The following KIAA0586 variants were observed in gnomAD, a reference collection of about 807,000 sequenced individuals.
The protein encoded by KIAA0586 is KIAA0586, also known as protein TALPID3.
In KIAA0586, 144 loss-of-function variants were observed where a neutral mutation model predicts 169.8. The ratio of observed to expected loss-of-function variants is 0.85; its 90% CI spans 0.74 to 0.97. The LOEUF (loss-of-function observed/expected upper bound fraction) is 0.97. Ranked by LOEUF, KIAA0586 falls within the 50% of genes least tolerant of loss-of-function variation. KIAA0586 has a pLI of 0.00. For missense variants in KIAA0586, 1,854 were observed against 1,823.0 expected (o/e 1.02, Z -0.31); for synonymous variants, 625 against 612.4 (o/e 1.02, Z -0.30).
chr14:58,464,307 A>G (rs1388572234), intron 14 of KIAA0586, among the ~76,000 whole-genome samples: 2 of 57,516 alleles, frequency 3.5e-5, no homozygotes, highest in Non-Finnish European at 6.8e-5. Flanking sequence ...CATACTATAT[A>G]GTTAGTTTAT....
At chr14:58,442,510 G>A (rs1267829077) in intron 4 of KIAA0586, among the ~76,000 whole-genome samples, 196 bp from the exon 5 acceptor site, 6 of 151,910 alleles carry the variant, frequency 3.9e-5, no homozygotes, top group African/African-American at 1.2e-4. Context: ...CTACCTTCAA[G>A]GAATTATCTT....
chr14:58,459,917 T>C lies in KIAA0586; in HGVS notation c.1731T>C (p.Asn577=), dbSNP rs1408787854. Residue 577 remains asparagine (N), a synonymous_variant, in exon 13 of 31, where the codon AAT becomes AAC. Transcript: ENST00000652326. Reference sequence around the variant, plus strand: ...ATCAGAGAACCAAGAAAGGTCAGAATATGACTAAAGATATTAGAACCAACA... The same window carrying C: ...ATCAGAGAACCAAGAAAGGTCAGAACATGACTAAAGATATTAGAACCAACA... ...QKNQRTKKGQ[N]MTKDIRTNTQ... 3 of 1,533,814 alleles carry C rather than the reference T, an allele frequency of 2.0e-6. No individual in the cohort carries two copies. In the East Asian group the frequency reaches 7.4e-5, roughly 38 times the overall value.
intron 29 of KIAA0586, among the ~76,000 whole-genome samples, chr14:58,525,119 T>A (rs1658210881): frequency 6.6e-6 from 1 of 152,192 alleles, no homozygotes; most frequent in African/African-American, 2.4e-5. Flanking sequence ...ATATTTGTCC[T>A]AAGCTTTAAA....
intron 27 of KIAA0586, among the ~76,000 whole-genome samples, chr14:58,500,802 AAG>A (rs1417366652): frequency 6.6e-6 from 1 of 152,140 alleles, no homozygotes; most frequent in African/African-American, 2.4e-5. Context: ...CACCAAAAAA[AAG>A]GGGATGAAAT....
At chr14:58,531,386 C>T (rs1200867580) in intron 29 of KIAA0586, among the ~76,000 whole-genome samples, 1 of 150,702 alleles carries the variant, frequency 6.6e-6, no homozygotes, top group East Asian at 1.9e-4. Context: ...AGGATATCAA[C>T]AGACACTTCT....
At chr14:58,431,261 T>C (rs1475195961) in intron 3 of KIAA0586, among the ~76,000 whole-genome samples, 2 of 152,164 alleles carry the variant, frequency 1.3e-5, no homozygotes, top group African/African-American at 4.8e-5. Context: ...GTATTAGATA[T>C]GTTTATAAAT....
intron 30 of KIAA0586, among the ~76,000 whole-genome samples, chr14:58,543,072 C>A (rs1277668541): frequency 6.9e-6 from 1 of 145,690 alleles, no homozygotes; most frequent in Non-Finnish European, 1.5e-5. Flanking sequence ...ATGGAGCTTG[C>A]AGTGAGCCAA....
intron 9 of KIAA0586, among the ~76,000 whole-genome samples, chr14:58,455,547 C>G (rs559566245): frequency 1.3e-5 from 2 of 152,274 alleles, no homozygotes; most frequent in South Asian, 4.1e-4. Context: ...TCTGTGAAGT[C>G]TGTATTCTTT....
chr14:58,465,120 A>G (rs955387449), intron 14 of KIAA0586, among the ~76,000 whole-genome samples: 2 of 152,112 alleles, frequency 1.3e-5, no homozygotes, highest in Non-Finnish European at 2.9e-5. Flanking sequence ...TATTTCTCAA[A>G]CTTTCCATTA....
At chr14:58,512,089 A>G (rs1459594867) in intron 28 of KIAA0586, among the ~76,000 whole-genome samples, 1 of 152,200 alleles carries the variant, frequency 6.6e-6, no homozygotes, top group East Asian at 1.9e-4. Flanking sequence ...ATGTTACTAT[A>G]TATAAAAGCT....
At position 58,508,702 on chromosome 14, in the gene KIAA0586, T is replaced by C. The variant is rs2141431422; in HGVS notation, c.4316T>C (p.Phe1439Ser). 4 of 1,583,352 alleles carry C rather than the reference T, an allele frequency of 2.5e-6. No homozygotes were observed. The South Asian group carries it at 4.6e-5, about 18-fold the overall frequency. ...AATTTACCAGTAGCCGCTGAAGATT[T>C]TTCCCAGGTACCAAATTAATAGCAC... ...DVNLPVAAEDFSQYQLKQNQD... is the reference protein window; with the variant it reads ...DVNLPVAAEDSSQYQLKQNQD... Residue 1439 changes from phenylalanine to serine, a missense_variant, in exon 28 of 31, where the codon TTT (phenylalanine) becomes TCT (serine). Physicochemically the swap from Phe to Ser is radical, Grantham distance 155 (BLOSUM62 -2). Coordinates refer to ENST00000652326, the MANE Select transcript of KIAA0586 (RefSeq NM_001329943.3).
rs202025419 is a variant in KIAA0586, at chr14:58,461,091, T to C, written c.1990T>C (p.Tyr664His). ...TCGAAGCACTCTTAAAAAAGGACCA[T>C]ATCTCAGATTTAATTCTCCATCTCC... ...GHRSTLKKGP[Y>H]LRFNSPSPKS... The change falls in exon 14 of 31, where the codon TAT becomes CAT. Residue 664 changes from tyrosine (Y) to histidine (H), a missense_variant. Transcript: ENST00000652326. The C allele has an allele frequency of 6.2e-7, 1 of 1,611,944 alleles. No homozygotes were observed. The highest frequency in any genetic ancestry group is 1.3e-5 in the African/African-American group (1 of 74,974).
intron 6 of KIAA0586, among the ~76,000 whole-genome samples, chr14:58,445,648 A>G: frequency 6.6e-6 from 1 of 151,418 alleles, no homozygotes; most frequent in Non-Finnish European, 1.5e-5. Context: ...TGGCCAGACC[A>G]GTCTCGAACT....
intron 4 of KIAA0586, chr14:58,439,879 G>C (rs1419524202): frequency 1.0e-5 from 10 of 959,596 alleles, no homozygotes; most frequent in Non-Finnish European, 1.2e-5. Context: ...GACTCTCTTA[G>C]GGACTCTTCA....
At chr14:58,428,785 C>T (rs187722866) in intron 1 of KIAA0586, among the ~76,000 whole-genome samples, 3 of 151,106 alleles carry the variant, frequency 2.0e-5, no homozygotes, top group East Asian at 2.0e-4. Context: ...TATAGTTTTC[C>T]CCCAAAGTAG....
rs539304161 is a variant in KIAA0586 at position 58,488,692 on chromosome 14, C to T, written c.3599C>T (p.Pro1200Leu). ...DFPAQPPPPE[P>L]VPFMPFPAGT... ...CCTGCTCAGCCTCCACCTCCAGAGC[C>T]AGTTCCCTTTATGCCATTTCCTGCC... is the stretch of plus-strand genomic sequence containing the variant. The change falls in exon 24 of 31, where the codon CCA becomes CTA. Residue 1200 changes from proline to leucine, a missense_variant. Physicochemically the swap from Pro to Leu is moderately conservative, Grantham distance 98. Transcript: ENST00000652326. 5.6e-6 allele frequency: 9 copies of T among 1,613,876 alleles called. No individual in the cohort carries two copies. Among genetic ancestry groups the T allele is most frequent in the Middle Eastern group, 3.3e-4 (2 of 6,062 alleles).
At chr14:58,554,982 T>G (rs1402343045), downstream of KIAA0586, among the ~76,000 whole-genome samples, 1 of 152,118 alleles carries the variant, frequency 6.6e-6, no homozygotes, top group Admixed American at 6.6e-5. Context: ...TATAGGACTG[T>G]TATGGTGAAA....
chr14:58,529,839 A>G (rs1006051381), intron 29 of KIAA0586, among the ~76,000 whole-genome samples: 13 of 152,132 alleles, frequency 8.5e-5, no homozygotes, highest in Non-Finnish European at 1.6e-4. Context: ...TCAACACACT[A>G]CTGGAAGTTC....
chr14:58,428,294 G>GA lies in KIAA0586; in HGVS notation c.38dup (p.Ile14AspfsTer2), dbSNP rs745949846. 2.2e-5 allele frequency: 36 copies of GA among 1,613,234 alleles called. No homozygotes were observed. The highest frequency in any genetic ancestry group is 3.1e-5 in the Non-Finnish European group (36 of 1,179,656). On this transcript the variant is annotated frameshift_variant, in exon 1 of 31. Transcript: ENST00000652326. LOFTEE classifies it high-confidence loss of function. ...AAGGCTCTGAGGTCAGCTTGGAGAA[G>GA]AAAAAAAAGATTAAGATGCCAGTGA...
Sources: allele counts gnomAD v4.1 joint callset (sites outside exome capture counted in the v4.1 genomes callset), GRCh38; gene constraint gnomAD v4.1.1; transcripts MANE v1.5; gene names NCBI Gene and HGNC (gene_info 2026-07-23, HGNC 2026-07-21).